The following UTP20 variants were observed in gnomAD, a reference collection of about 807,000 sequenced individuals.
UTP20 encodes the protein small subunit processome component 20 homolog.
UTP20 carries 164 observed loss-of-function variants against 329.5 expected under a neutral mutation model. The observed-to-expected ratio is 0.50, with a 90% confidence interval of 0.44 to 0.57. The LOEUF (loss-of-function observed/expected upper bound fraction) is 0.57, where lower values mean the gene tolerates loss of function less well. Ranked by LOEUF, UTP20 falls within the 20% of genes least tolerant of loss-of-function variation. The pLI, the probability that UTP20 is intolerant of heterozygous loss-of-function variation, is 0.00. For missense variants in UTP20, 3,055 were observed against 3,284.2 expected (o/e 0.93, Z 1.71); for synonymous variants, 1,151 against 1,159.3 (o/e 0.99, Z 0.14).
In UTP20 at chr12:101,311,701, A is replaced by AT. The variant is rs751894834; in HGVS notation, c.2232-8dup. ...GCCATACCACACTTTTTATTTTGTGATTTTTTTTTTCCCTTAGTTCTCATG... is the reference window on the plus strand; with the variant it reads ...GCCATACCACACTTTTTATTTTGTGATTTTTTTTTTTCCCTTAGTTCTCATG... On this transcript the variant is annotated splice_polypyrimidine_tract_variant and intron_variant, in intron 19 of 61. Coordinates refer to ENST00000261637, the MANE Select transcript of UTP20 (RefSeq NM_014503.3). The AT allele has an allele frequency of 2.5e-3, 3,685 of 1,450,742 alleles. No individual in the cohort carries two copies. The highest frequency in any genetic ancestry group is 4.2e-3 in the Admixed American group (212 of 50,774). 89.9% of individuals were successfully genotyped at this position (1,450,742 alleles called of 1,614,324 possible). A position where few individuals can be genotyped will look rare whatever the true frequency, so the allele number is the denominator to read the frequency against.
In UTP20 at chr12:101,386,266, G is replaced by C; in HGVS notation, c.*143G>C. ...ACTCTGTCACCCAAGGTGGAGTGCA[G>C]TGACGACATCACAGCTCACTGCAGC... On this transcript the variant is annotated 3_prime_UTR_variant, in exon 62 of 62. Coordinates refer to ENST00000261637, the MANE Select transcript of UTP20 (RefSeq NM_014503.3). 1 of 726,520 alleles carries C rather than the reference G, an allele frequency of 1.4e-6. No homozygotes were observed. Among genetic ancestry groups the C allele is most frequent in the Non-Finnish European group, 2.2e-6 (1 of 454,234 alleles). The allele number at this position is 726,520 out of a possible 1,614,324, so 45.0% of individuals were successfully genotyped here.
chr12:101,281,034 C>T (rs1871779868), intron 1 of UTP20, 82 bp from the exon 2 acceptor site: 2 of 1,154,308 alleles, frequency 1.7e-6, no homozygotes, highest in Non-Finnish European at 2.5e-6. Context: ...ATTAGAGATG[C>T]CTACATGCAG....
chr12:101,280,249 C>A lies in UTP20; in HGVS notation c.-34C>A, dbSNP rs1215540288. On this transcript the variant is annotated 5_prime_UTR_variant, in exon 1 of 62. Coordinates refer to ENST00000261637, the MANE Select transcript of UTP20 (RefSeq NM_014503.3). ...GTCGGTTGCATCCCTTCGACACTCC[C>A]GAGGCCGTCGCGGGCCACTGGCCCT... 3 of 1,551,532 alleles carry A rather than the reference C, an allele frequency of 1.9e-6. No homozygotes were observed. Among genetic ancestry groups the A allele is most frequent in the African/African-American group, 2.7e-5 (2 of 73,058 alleles).
At position 101,310,373 on chromosome 12, in the gene UTP20, C is replaced by T. The variant is rs148087445; in HGVS notation, c.2231+534C>T. ...GGTGGATCACCTGAGGTCGGGAGTT[C>T]GAGACCAGCCTGACCAACATGGAGA... On this transcript the variant is annotated intron_variant, in intron 19 of 61. Coordinates refer to ENST00000261637, the MANE Select transcript of UTP20 (RefSeq NM_014503.3). Among the ~76,000 whole-genome samples, 255 of 151,822 alleles carry T rather than the reference C, an allele frequency of 1.7e-3. 2 individuals carry two copies. Among genetic ancestry groups the T allele is most frequent in the African/African-American group, 6.0e-3 (246 of 41,330 alleles).
chr12:101,325,964 G>A (rs904108780), intron 25 of UTP20, among the ~76,000 whole-genome samples: 4 of 152,134 alleles, frequency 2.6e-5, no homozygotes, highest in Non-Finnish European at 4.4e-5. Flanking sequence ...TTGGTTTGCA[G>A]TGAAATGTGT....
intron 20 of UTP20, 26 bp downstream of exon 20, chr12:101,311,824 TG>T: frequency 6.3e-7 from 1 of 1,592,034 alleles, no homozygotes; most frequent in Non-Finnish European, 8.5e-7. Flanking sequence ...GTGAGGAAGC[TG>T]CGAAGAAAAG....
At chr12:101,384,548 A>C (rs74896961) in intron 60 of UTP20, among the ~76,000 whole-genome samples, 1 of 152,196 alleles carries the variant, frequency 6.6e-6, no homozygotes, top group Non-Finnish European at 1.5e-5. Flanking sequence ...CTCAAAAGAA[A>C]GATTATATGG....
Position 101,383,268 on chromosome 12 carries a change from G to T in UTP20, c.7884G>T (p.Arg2628=). Residue 2628 remains arginine (R), a synonymous_variant, in exon 59 of 62, where the codon CGG becomes CGT. Transcript: ENST00000261637. ...TGTGGTTGATCCAGAAGCTGTCCCGGATTGCAAAACTGGAAGCTGCTTATT... is the reference window on the plus strand; with the variant it reads ...TGTGGTTGATCCAGAAGCTGTCCCGTATTGCAAAACTGGAAGCTGCTTATT... ...TLLWLIQKLS[R]IAKLEAAYSP... 3 of 1,614,118 alleles carry T rather than the reference G, an allele frequency of 1.9e-6. No individual in the cohort carries two copies. Among genetic ancestry groups the T allele is most frequent in the Non-Finnish European group, 1.7e-6 (2 of 1,180,040 alleles).
intron 47 of UTP20, 81 bp downstream of exon 47, chr12:101,366,780 C>A: frequency 6.7e-7 from 1 of 1,488,278 alleles, no homozygotes; most frequent in Non-Finnish European, 9.0e-7. Flanking sequence ...TCTAGTACTG[C>A]TCACTTCCAT....
intron 6 of UTP20, 200 bp from the exon 7 acceptor site, chr12:101,289,937 A>G (rs1248203356): frequency 2.9e-6 from 1 of 341,744 alleles, no homozygotes; most frequent in Non-Finnish European, 5.2e-6. Context: ...TGTAATACCA[A>G]TGAATTCACT....
intron 34 of UTP20, 42 bp downstream of exon 34, chr12:101,342,879 A>G: frequency 6.2e-7 from 1 of 1,610,284 alleles, no homozygotes; most frequent in South Asian, 1.1e-5. Context: ...AAGTATTATC[A>G]TTTTTGTTTA....
chr12:101,356,853 G>T (rs1478232479), intron 42 of UTP20, 73 bp from the exon 43 acceptor site: 4 of 1,511,106 alleles, frequency 2.6e-6, no homozygotes, highest in Non-Finnish European at 3.6e-6. Flanking sequence ...GTAATTAAGA[G>T]ACTAAAGGAT....
Position 101,341,012 on chromosome 12 carries a change from G to A in UTP20, c.4101+402G>A, listed in dbSNP as rs150828797. Among the ~76,000 whole-genome samples the A allele has an allele frequency of 6.8e-3, 701 of 102,544 alleles. 10 individuals carry two copies. Among genetic ancestry groups the A allele is most frequent in the African/African-American group, 0.026 (666 of 25,968 alleles). 67.3% of individuals were successfully genotyped at this position (102,544 alleles called of 152,430 possible). ...TTTTTTGAGATGGAGTTTCACTCTT[G>A]TCCTCCAGGCTGGTGTGCAATGGCA... On this transcript the variant is annotated intron_variant, in intron 32 of 61. Coordinates refer to ENST00000261637, the MANE Select transcript of UTP20 (RefSeq NM_014503.3).
Position 101,366,188 on chromosome 12 carries a change from C to T in UTP20, c.6126-370C>T, listed in dbSNP as rs144796657. On this transcript the variant is annotated intron_variant, in intron 46 of 61. Transcript: ENST00000261637. ...CGGAGGTTGGAGTGAGCCGAGATCG[C>T]GCCACTGTACTCCAGGCTGGGCAAC... is the stretch of plus-strand genomic sequence containing the variant. Among the ~76,000 whole-genome samples the T allele has an allele frequency of 5.4e-3, 822 of 152,072 alleles. 6 individuals are homozygous for T. Among genetic ancestry groups the T allele is most frequent in the African/African-American group, 0.019 (774 of 41,488 alleles).
chr12:101,334,438 G>A lies in UTP20; in HGVS notation c.3575G>A (p.Gly1192Glu), dbSNP rs148863398. ...TTTGTCTCCTAGATCAGCAGGCTTG[G>A]ATCTGAGAGTCAATATTCTCCTACT... is the stretch of plus-strand genomic sequence containing the variant. ...GAVWPQISRL[G>E]SESQYSPTPL... The change falls in exon 29 of 62, where the codon GGA becomes GAA. Residue 1192 changes from glycine to glutamate, a missense_variant. Physicochemically the swap from Gly to Glu is moderately conservative, Grantham distance 98. Around this residue, in one of 3 missense-constraint regions of UTP20, gnomAD observed 2,445 missense variants for 2,575.5 expected, o/e 0.95. Coordinates refer to ENST00000261637, the MANE Select transcript of UTP20 (RefSeq NM_014503.3). 160 of 1,611,914 alleles carry A rather than the reference G, an allele frequency of 9.9e-5. No individual in the cohort carries two copies. The African/African-American group carries it at 2.0e-3, about 21-fold the overall frequency.
In UTP20 at chr12:101,342,743, A is replaced by G. The variant is rs140209701; in HGVS notation, c.4246-44A>G. ...CTGAGGGGAGGAGGGCAGAAAAGTT[A>G]AAGTTTTATTCACTGATAAATACAC... On this transcript the variant is annotated intron_variant, in intron 33 of 61. Coordinates refer to ENST00000261637, the MANE Select transcript of UTP20 (RefSeq NM_014503.3). 5.8e-5 allele frequency: 93 copies of G among 1,590,840 alleles called. No homozygotes were observed. In the African/African-American group the frequency reaches 1.1e-3, roughly 19 times the overall value.
intron 12 of UTP20, among the ~76,000 whole-genome samples, chr12:101,297,571 A>G (rs1872396811): frequency 6.6e-6 from 1 of 152,202 alleles, no homozygotes; most frequent in Non-Finnish European, 1.5e-5. Context: ...CTTCTCTATT[A>G]AAATATGCCA....
intron 27 of UTP20, among the ~76,000 whole-genome samples, chr12:101,332,406 A>C (rs1868789662): frequency 1.3e-5 from 2 of 152,154 alleles, no homozygotes; most frequent in Admixed American, 6.5e-5. Context: ...TTTGCCTTTA[A>C]TAAGATTTTC....
chr12:101,324,217 CATTTATTT>C (rs200869541), intron 25 of UTP20, among the ~76,000 whole-genome samples: 148 of 146,576 alleles, frequency 1.0e-3, no homozygotes, highest in African/African-American at 3.3e-3. Flanking sequence ...TTGAGAGCCA[CATTTATTT>C]ATTTATTTAT....
Sources: gnomAD v4.1 joint callset for allele counts (sites outside exome capture counted in the v4.1 genomes callset) on GRCh38, gnomAD v4.1.1 for gene constraint, gnomAD v4.1.1 regional missense constraint, MANE v1.5 for transcripts, NCBI Gene and HGNC (gene_info 2026-07-23, HGNC 2026-07-21) for gene names.